The following NDUFAF7 variants were observed in gnomAD, a reference collection of about 807,000 sequenced individuals.
NDUFAF7 encodes protein arginine methyltransferase NDUFAF7, mitochondrial.
A neutral mutation model predicts 47.2 loss-of-function variants in NDUFAF7; 48 were observed. The observed-to-expected ratio is 1.02, with a 90% CI of 0.81 to 1.29. The LOEUF (loss-of-function observed/expected upper bound fraction) is 1.29, where lower values mean the gene tolerates loss of function less well. NDUFAF7 is among the 50% of genes most tolerant of loss of function. The pLI, the probability that NDUFAF7 is intolerant of heterozygous loss-of-function variation, is 0.00. For missense variants in NDUFAF7, 635 were observed against 537.6 expected (o/e 1.18, Z -1.79); for synonymous variants, 217 against 190.0 (o/e 1.14, Z -1.17).
chr2:37,241,477 A>G, intron 4 of NDUFAF7, 101 bp from the exon 5 acceptor site: 1 of 994,228 alleles, frequency 1.0e-6, no homozygotes, highest in South Asian at 1.4e-5. Context: ...TCTCTGAAAT[A>G]TTACCTCTAT....
the NDUFAF7 span, among the ~76,000 whole-genome samples, chr2:37,266,512 G>C: frequency 1.3e-5 from 2 of 150,444 alleles, no homozygotes; most frequent in African/African-American, 4.9e-5. Flanking sequence ...TTGAGATGGA[G>C]TTTTGCTGTT....
In NDUFAF7 at chr2:37,231,726, A is replaced by C. The variant is rs754126554; in HGVS notation, c.21A>C (p.Ser7=). 1.2e-6 allele frequency: 2 copies of C among 1,614,192 alleles called. No homozygotes were observed. Among genetic ancestry groups the C allele is most frequent in the Non-Finnish European group, 1.7e-6 (2 of 1,180,010 alleles). MSVLLR[S]GLGPLCAVAR... is the part of the protein sequence containing the mutation. ...TCAGCATGAGTGTACTGCTGAGGTC[A>C]GGTTTGGGGCCGTTGTGTGCCGTGG... The change falls in exon 1 of 10, where the codon TCA becomes TCC. Residue 7 remains serine (S), a synonymous_variant. Transcript: ENST00000002125.
the NDUFAF7 span, chr2:37,260,492 A>G: frequency 4.0e-6 from 4 of 988,138 alleles, no homozygotes; most frequent in Non-Finnish European, 6.1e-6. Context: ...AAGCCTAGAG[A>G]AGTAAACAAA....
chr2:37,241,434 C>G, intron 4 of NDUFAF7, 144 bp from the exon 5 acceptor site: 1 of 692,386 alleles, frequency 1.4e-6, no homozygotes. Context: ...TTCTTATAGA[C>G]TGCTGGAGAG....
downstream of NDUFAF7, among the ~76,000 whole-genome samples, chr2:37,258,042 G>A (rs1401019197): frequency 5.9e-5 from 9 of 152,180 alleles, no homozygotes; most frequent in African/African-American, 2.2e-4. Context: ...GCTCAAATCT[G>A]GGGGATTAAT....
At position 37,241,698 on chromosome 2, in the gene NDUFAF7, G is replaced by GATA; in HGVS notation, c.530_531insTAA (p.Glu177delinsAspLys). The stretch of plus-strand genomic sequence containing the variant: ...ACTGACTAAAGAGAAGGTCCCGTTA[G>GATA]AGCGAAATGCTGGATCCCCAGTGTA... On this transcript the variant is annotated protein_altering_variant, in exon 5 of 10. Coordinates refer to ENST00000002125, the MANE Select transcript of NDUFAF7 (RefSeq NM_144736.5). 1.2e-6 allele frequency: 2 copies of GATA among 1,614,024 alleles called. No individual in the cohort carries two copies. The highest frequency in any genetic ancestry group is 1.7e-6 in the Non-Finnish European group (2 of 1,180,006).
chr2:37,248,029 T>G, intron 9 of NDUFAF7, 106 bp from the exon 10 acceptor site: 1 of 923,496 alleles, frequency 1.1e-6, no homozygotes, highest in Non-Finnish European at 1.7e-6. Flanking sequence ...AGAAGTCACA[T>G]TTTGAGTGCT....
intron 5 of NDUFAF7, 41 bp downstream of exon 5, chr2:37,241,832 C>T: frequency 1.3e-6 from 2 of 1,555,956 alleles, no homozygotes; most frequent in Non-Finnish European, 1.8e-6. Context: ...ATTTTGATCA[C>T]AACCCTCACA....
chr2:37,263,992 G>GT, the NDUFAF7 span, among the ~76,000 whole-genome samples: 55 of 152,162 alleles, frequency 3.6e-4, no homozygotes, highest in African/African-American at 1.3e-3. Flanking sequence ...AATTACATAG[G>GT]TACCTACAAG....
chr2:37,263,122 G>A, the NDUFAF7 span, among the ~76,000 whole-genome samples: 2 of 152,042 alleles, frequency 1.3e-5, 1 homozygote, highest in South Asian at 4.1e-4. Context: ...CCTTGAGTTA[G>A]ATTCTTAATT....
the NDUFAF7 span, chr2:37,268,214 T>G: frequency 4.7e-6 from 2 of 425,458 alleles, no homozygotes; most frequent in African/African-American, 2.1e-5. Flanking sequence ...TATTTTAGAT[T>G]AACTCATTTG....
rs139125264 is a variant in NDUFAF7 at position 37,243,971 on chromosome 2, C to T, written c.790C>T (p.Gln264Ter). Residue 264 changes from glutamine to a stop codon, truncating the protein, a stop_gained and splice_region_variant, in exon 7 of 10, where the codon CAA becomes TAA. Transcript: ENST00000002125. LOFTEE classifies it high-confidence loss of function. ...TGCCACCCCAGCAGAAGCCTTCATA[C>T]AAGTAAGAATATGCTTTTTTAAGTT... The part of the protein sequence containing the change: ...PSATPAEAFI[Q>*]HDETRDHVEV... 6.2e-7 allele frequency: 1 copy of T among 1,604,514 alleles called. No individual in the cohort carries two copies. Among genetic ancestry groups the T allele is most frequent in the Non-Finnish European group, 8.5e-7 (1 of 1,171,732 alleles).
At chr2:37,241,466 CTCTCTG>C in intron 4 of NDUFAF7, 106 bp from the exon 5 acceptor site, 1 of 908,678 alleles carries the variant, frequency 1.1e-6, no homozygotes. Flanking sequence ...AGGAACACAT[CTCTCTG>C]AAATATTACC....
downstream of NDUFAF7, among the ~76,000 whole-genome samples, chr2:37,257,687 A>T (rs1245794647): frequency 6.6e-6 from 1 of 151,436 alleles, no homozygotes; most frequent in African/African-American, 2.4e-5. Flanking sequence ...AAAAAAAAAA[A>T]AAAAAAAGTT....
downstream of NDUFAF7, among the ~76,000 whole-genome samples, chr2:37,255,965 G>A (rs1667901952): frequency 6.6e-6 from 1 of 152,142 alleles, no homozygotes; most frequent in Non-Finnish European, 1.5e-5. Context: ...AGTGAGCTGT[G>A]TTTGTGCACA....
At chr2:37,245,439 C>T (rs1318190723) in intron 7 of NDUFAF7, among the ~76,000 whole-genome samples, 2 of 152,166 alleles carry the variant, frequency 1.3e-5, no homozygotes, top group Non-Finnish European at 2.9e-5. Flanking sequence ...AGCTAGTACA[C>T]ACTTATTGTG....
At chr2:37,258,113 A>G (rs1282197556), downstream of NDUFAF7, among the ~76,000 whole-genome samples, 4 of 152,230 alleles carry the variant, frequency 2.6e-5, no homozygotes, top group Admixed American at 2.6e-4. Context: ...GCTCTGACTT[A>G]AAAAATGTCT....
chr2:37,254,098 G>A, downstream of NDUFAF7: 1 of 794,136 alleles, frequency 1.3e-6, no homozygotes. Flanking sequence ...TCACTTAAGA[G>A]CACTTTTATT....
At chr2:37,240,192 A>C (rs1229451550) in intron 4 of NDUFAF7, among the ~76,000 whole-genome samples, 1 of 152,134 alleles carries the variant, frequency 6.6e-6, no homozygotes, top group African/African-American at 2.4e-5. Context: ...GCACTTTGGG[A>C]GTTCGAGGCT....
Sources: allele counts gnomAD v4.1 joint callset (sites outside exome capture counted in the v4.1 genomes callset), GRCh38; gene constraint gnomAD v4.1.1; transcripts MANE v1.5; gene names NCBI Gene and HGNC (gene_info 2026-07-23, HGNC 2026-07-21).